GRIP1: variants seen among roughly 807,000 people sequenced by gnomAD.
The protein encoded by GRIP1 is glutamate receptor interacting protein 1, also known as glutamate receptor-interacting protein 1.
A neutral mutation model predicts 129.9 loss-of-function variants in GRIP1; 45 were observed. The observed-to-expected ratio is 0.35, with a 90% CI of 0.27 to 0.44. GRIP1 has a LOEUF of 0.44. Ranked by LOEUF, GRIP1 falls within the 20% of genes least tolerant of loss-of-function variation. The pLI, the probability that GRIP1 is intolerant of heterozygous loss-of-function variation, is 1.00. For missense variants in GRIP1, 1,196 were observed against 1,396.8 expected (o/e 0.86, Z 2.29); for synonymous variants, 530 against 520.8 (o/e 1.02, Z -0.24).
intron 1 of GRIP1, among the ~76,000 whole-genome samples, chr12:66,923,877 T>A (rs900776385): frequency 1.3e-5 from 2 of 152,088 alleles, no homozygotes; most frequent in Non-Finnish European, 2.9e-5. Context: ...GGAGTTTCGC[T>A]CTTGTTGTCC....
chr12:66,875,849 T>C (rs957845989), intron 1 of GRIP1, among the ~76,000 whole-genome samples: 2 of 152,096 alleles, frequency 1.3e-5, no homozygotes, highest in Non-Finnish European at 2.9e-5. Context: ...GAGATTAATA[T>C]AGAATTTGTG....
chr12:66,877,187 A>T (rs2040398380), intron 1 of GRIP1, among the ~76,000 whole-genome samples: 1 of 152,050 alleles, frequency 6.6e-6, no homozygotes, highest in South Asian at 2.1e-4. Flanking sequence ...AGGCTGCCCC[A>T]TTCATGATGA....
intron 22 of GRIP1, 92 bp downstream of exon 22, chr12:66,376,925 C>T (rs777194271): frequency 1.6e-4 from 139 of 887,292 alleles, no homozygotes; most frequent in Admixed American, 3.6e-4. Context: ...ATACTTTTGA[C>T]TGCATTGTAT....
chr12:66,525,674 T>C (rs1009215720), intron 5 of GRIP1, among the ~76,000 whole-genome samples: 12 of 151,946 alleles, frequency 7.9e-5, no homozygotes, highest in Non-Finnish European at 1.6e-4. Context: ...TTGGAAGTTC[T>C]GGCCAGGGCA....
intron 11 of GRIP1, among the ~76,000 whole-genome samples, chr12:66,451,421 T>TTTTTTTTTTTTTTTTTC (rs1565752142): frequency 1.7e-5 from 2 of 115,558 alleles, no homozygotes; most frequent in African/African-American, 7.2e-5. Context: ...TTTTTTTTTT[T>TTTTTTTTTTTTTTTTTC]CAGATAGGCT....
chr12:66,539,000 G>A, intron 4 of GRIP1, 78 bp downstream of exon 4: 1 of 1,170,070 alleles, frequency 8.5e-7, no homozygotes, highest in African/African-American at 1.5e-5. Flanking sequence ...ATAGGGTTTG[G>A]TATTATGAGC....
chr12:66,539,545 C>CTTTTTTT lies in GRIP1; in HGVS notation c.273-329_273-323dup, dbSNP rs35373698. 3.0e-3 allele frequency among the ~76,000 whole-genome samples: 180 copies of CTTTTTTT among 59,262 alleles called. 7 individuals are homozygous for CTTTTTTT. The highest frequency in any genetic ancestry group is 0.012 in the East Asian group (21 of 1,688). 38.9% of individuals were successfully genotyped at this position (59,262 alleles called of 152,430 possible). A position where few individuals can be genotyped will look rare whatever the true frequency, so the allele number is the denominator to read the frequency against. ...CACCATAAAACAAAATCAAGAGAAG[C>CTTTTTTT]TTTTTTTTTTTTTTTTTTTTTTTTC... On this transcript the variant is annotated intron_variant, in intron 3 of 24. Coordinates refer to ENST00000359742, the MANE Select transcript of GRIP1 (RefSeq NM_001366722.1).
At chr12:66,477,525 C>T (rs1393239019) in intron 7 of GRIP1, among the ~76,000 whole-genome samples, 2 of 151,762 alleles carry the variant, frequency 1.3e-5, no homozygotes, top group African/African-American at 4.8e-5. Context: ...TTGGAAAAAA[C>T]TAGTTTAAAG....
chr12:66,885,176 A>G (rs2137207670), intron 1 of GRIP1, among the ~76,000 whole-genome samples: 1 of 152,144 alleles, frequency 6.6e-6, no homozygotes, highest in African/African-American at 2.4e-5. Flanking sequence ...AGCTGAGGAG[A>G]CTCATGATCC....
At chr12:67,016,620 A>G (rs1005072589) in intron 1 of GRIP1, among the ~76,000 whole-genome samples, 1 of 152,182 alleles carries the variant, frequency 6.6e-6, no homozygotes, top group African/African-American at 2.4e-5. Context: ...AACTAGAGTT[A>G]AGAATTTTGG....
chr12:66,852,160 T>A (rs547077621), intron 1 of GRIP1, among the ~76,000 whole-genome samples: 2 of 152,196 alleles, frequency 1.3e-5, no homozygotes, highest in Admixed American at 6.6e-5. Flanking sequence ...TACAAATTCA[T>A]TCTTCCATTT....
intron 2 of GRIP1, among the ~76,000 whole-genome samples, chr12:66,549,112 G>C (rs150653457): frequency 1.0e-3 from 154 of 152,256 alleles, no homozygotes; most frequent in African/African-American, 3.5e-3. Context: ...TGAAATGCTG[G>C]TGTCAACAAG....
intron 1 of GRIP1, among the ~76,000 whole-genome samples, chr12:66,695,659 ATC>A (rs2035132619): frequency 6.6e-6 from 1 of 152,206 alleles, no homozygotes; most frequent in African/African-American, 2.4e-5. Flanking sequence ...GAGGTTGATA[ATC>A]TTCGTTTTTA....
chr12:67,068,518 C>A (rs2043671003), intron 1 of GRIP1, among the ~76,000 whole-genome samples: 1 of 151,834 alleles, frequency 6.6e-6, no homozygotes. Flanking sequence ...CCTTGCCTCC[C>A]CTACGCTCTT....
intron 1 of GRIP1, among the ~76,000 whole-genome samples, chr12:66,810,613 A>C (rs2039085362): frequency 6.6e-6 from 1 of 152,178 alleles, no homozygotes; most frequent in Non-Finnish European, 1.5e-5. Context: ...TAGGATGCAG[A>C]ATAAATTTTC....
At chr12:66,698,365 T>A (rs981821348) in intron 1 of GRIP1, among the ~76,000 whole-genome samples, 1 of 152,182 alleles carries the variant, frequency 6.6e-6, no homozygotes, top group Admixed American at 6.5e-5. Context: ...CAGGACGCCT[T>A]GTGTTTTTAA....
At chr12:66,916,692 C>T (rs1458091071) in intron 1 of GRIP1, among the ~76,000 whole-genome samples, 1 of 151,698 alleles carries the variant, frequency 6.6e-6, no homozygotes, top group African/African-American at 2.4e-5. Context: ...TTTTCTTCTC[C>T]ACTTTTTGCA....
Position 66,977,426 on chromosome 12 carries a change from T to C in GRIP1, c.58+91624A>G, listed in dbSNP as rs557743191. On this transcript the variant is annotated intron_variant, in intron 1 of 1. Transcript: ENST00000643019. ...CTTTAACTTCTTTTAAAATGTAACA[T>C]AAAGGTTACAGAAAAGTGTACAAAT... Among the ~76,000 whole-genome samples the C allele has an allele frequency of 4.6e-5, 7 of 152,188 alleles. No homozygotes were observed. In the South Asian group the frequency reaches 1.5e-3, roughly 32 times the overall value.
In GRIP1 at chr12:66,811,340, C is replaced by T. The variant is rs377235637; in HGVS notation, c.59-214413G>A. Among the ~76,000 whole-genome samples, 137 of 152,196 alleles carry T rather than the reference C, an allele frequency of 9.0e-4. 2 individuals are homozygous for T. Among genetic ancestry groups the T allele is most frequent in the Middle Eastern group, 3.4e-3 (1 of 294 alleles). On this transcript the variant is annotated intron_variant, in intron 1 of 1. Transcript: ENST00000643019. ...AGGATTTCAAAAATGTTCATTGTAT[C>T]GGAACTCATTTTTTCCTGAAGGTGT...
Sources: gnomAD v4.1 joint callset for allele counts (sites outside exome capture counted in the v4.1 genomes callset) on GRCh38, gnomAD v4.1.1 for gene constraint, MANE v1.5 for transcripts, NCBI Gene and HGNC (gene_info 2026-07-23, HGNC 2026-07-21) for gene names.